SLC23A2: variants seen among roughly 807,000 people sequenced by gnomAD.
SLC23A2 encodes solute carrier family 23 member 2, also known as Na(+)/L-ascorbic acid transporter 2.
SLC23A2 carries 36 observed loss-of-function variants against 73.3 expected under a neutral mutation model. That is an observed-to-expected ratio of 0.49 (90% confidence interval 0.38 to 0.65). SLC23A2 has a LOEUF of 0.65. Ranked by LOEUF, SLC23A2 falls within the 30% of genes least tolerant of loss-of-function variation. The probability of loss-of-function intolerance (pLI) is 0.00; values close to 1 mark genes in which losing one functional copy is unlikely to be tolerated. For synonymous variants in SLC23A2, 343 were observed against 327.3 expected, an observed-to-expected ratio of 1.05 and a Z score of -0.52; for missense variants, 507 against 841.6, an observed-to-expected ratio of 0.60 and a Z score of 4.92.
chr20:4,946,568 G>T (rs1156557077), intron 2 of SLC23A2, among the ~76,000 whole-genome samples: 2 of 152,176 alleles, frequency 1.3e-5, no homozygotes, highest in African/African-American at 4.8e-5. Flanking sequence ...TGAAGAATGG[G>T]CTCTGCCTAC....
At chr20:4,904,677 T>C (rs1931872919) in intron 4 of SLC23A2, among the ~76,000 whole-genome samples, 1 of 152,202 alleles carries the variant, frequency 6.6e-6, no homozygotes. Flanking sequence ...GCTCACAAAG[T>C]AACATGACAA....
At chr20:4,993,723 T>C (rs895497801) in intron 1 of SLC23A2, among the ~76,000 whole-genome samples, 6 of 152,150 alleles carry the variant, frequency 3.9e-5, no homozygotes, top group Admixed American at 6.6e-5. Flanking sequence ...ATATCATGCA[T>C]CTGTGGAAAA....
At chr20:4,885,985 A>G in intron 6 of SLC23A2, 76 bp from the exon 7 acceptor site, 2 of 884,216 alleles carry the variant, frequency 2.3e-6, no homozygotes, top group Non-Finnish European at 3.6e-6. Context: ...ACAGCTTAAC[A>G]GTCTTTTCCA....
upstream of SLC23A2, among the ~76,000 whole-genome samples, chr20:5,005,522 T>C (rs190984918): frequency 6.6e-6 from 1 of 152,316 alleles, no homozygotes; most frequent in East Asian, 1.9e-4. Context: ...TGAGAGGTAA[T>C]TGTAGCTTGG....
At chr20:4,892,390 T>A (rs1248568331) in intron 6 of SLC23A2, among the ~76,000 whole-genome samples, 1 of 152,038 alleles carries the variant, frequency 6.6e-6, no homozygotes, top group African/African-American at 2.4e-5. Context: ...TTTCACCATG[T>A]TGGCCAAGCT....
chr20:4,938,979 C>T (rs2122958192), intron 2 of SLC23A2, among the ~76,000 whole-genome samples: 1 of 152,092 alleles, frequency 6.6e-6, no homozygotes, highest in East Asian at 1.9e-4. Flanking sequence ...TGATGGCTCA[C>T]ATCTGTAATC....
chr20:4,864,463 A>G (rs763584796), intron 13 of SLC23A2, among the ~76,000 whole-genome samples: 11 of 152,062 alleles, frequency 7.2e-5, no homozygotes, highest in Non-Finnish European at 1.3e-4. Context: ...GCCCCACACC[A>G]CAGACGGCAG....
intron 2 of SLC23A2, among the ~76,000 whole-genome samples, chr20:4,952,103 CAAAAAA>C (rs57832305): frequency 2.5e-5 from 1 of 40,534 alleles, no homozygotes; most frequent in African/African-American, 7.5e-5. Flanking sequence ...GACTCTGACT[CAAAAAA>C]AAAAAAAAAA....
chr20:4,989,037 G>A (rs1039077344), intron 1 of SLC23A2, among the ~76,000 whole-genome samples: 2 of 151,848 alleles, frequency 1.3e-5, no homozygotes, highest in East Asian at 1.9e-4. Context: ...GAGGGAGTTC[G>A]AGACCAGCCT....
At chr20:4,874,207 T>C (rs1930567292) in intron 10 of SLC23A2, 115 bp from the exon 11 acceptor site, 3 of 848,878 alleles carry the variant, frequency 3.5e-6, no homozygotes, top group East Asian at 2.6e-5. Flanking sequence ...AGTCAGTACT[T>C]TGCAGACCTT....
At chr20:4,887,151 T>C (rs1931134841) in intron 6 of SLC23A2, among the ~76,000 whole-genome samples, 2 of 152,196 alleles carry the variant, frequency 1.3e-5, no homozygotes, top group Admixed American at 1.3e-4. Context: ...TGCATTGCTG[T>C]TGACCACTCC....
chr20:4,970,507 A>C (rs1600186854), intron 2 of SLC23A2, among the ~76,000 whole-genome samples: 1 of 152,062 alleles, frequency 6.6e-6, no homozygotes, highest in African/African-American at 2.4e-5. Context: ...TAGAGGCAGG[A>C]GGATCGCTTG....
intron 3 of SLC23A2, among the ~76,000 whole-genome samples, chr20:4,913,214 G>A (rs1932218287): frequency 6.6e-6 from 1 of 152,202 alleles, no homozygotes; most frequent in South Asian, 2.1e-4. Flanking sequence ...GGGAAGGGAA[G>A]TTTGGCTCAG....
Position 5,001,419 on chromosome 20 carries a change from G to C in SLC23A2, c.-295C>G, listed in dbSNP as rs919269580. ...CCGGGCTCTCACCTGGCTGCAGCTC[G>C]CGTGGTTCCCGTCCTGCCGCCGCGC... On this transcript the variant is annotated 5_prime_UTR_variant, in exon 1 of 17. Transcript: ENST00000338244. The C allele has an allele frequency of 6.1e-5, 9 of 147,906 alleles. No homozygotes were observed. Among genetic ancestry groups the C allele is most frequent in the Admixed American group, 6.0e-4 (9 of 14,922 alleles). The allele number at this position is 147,906 out of a possible 1,614,324, so 9.2% of individuals were successfully genotyped here.
Position 4,955,517 on chromosome 20 carries a change from G to A in SLC23A2, c.-155+15276C>T, listed in dbSNP as rs572917445. Among the ~76,000 whole-genome samples the A allele has an allele frequency of 7.9e-5, 12 of 152,068 alleles. No individual in the cohort carries two copies. In the South Asian group the frequency reaches 1.9e-3, roughly 24 times the overall value. Reference sequence around the variant, plus strand: ...TTAAAGTACCGTATAGGTTGGGTGCGATGGCTCATGCCTGTAATCCTAGCA... The same window carrying A: ...TTAAAGTACCGTATAGGTTGGGTGCAATGGCTCATGCCTGTAATCCTAGCA... On this transcript the variant is annotated intron_variant, in intron 2 of 16. Coordinates refer to ENST00000338244, the MANE Select transcript of SLC23A2 (RefSeq NM_005116.6).
intron 13 of SLC23A2, among the ~76,000 whole-genome samples, chr20:4,864,899 G>A (rs751816951): frequency 6.6e-6 from 1 of 152,194 alleles, no homozygotes. Context: ...TGGCCCCAGG[G>A]ATACCTGAAA....
intron 6 of SLC23A2, among the ~76,000 whole-genome samples, chr20:4,893,442 T>C (rs1931404745): frequency 6.6e-6 from 1 of 152,044 alleles, no homozygotes. Flanking sequence ...GAAAGAGAAG[T>C]GGGGTCTCTC....
chr20:4,897,073 C>T (rs1315618605), intron 6 of SLC23A2, among the ~76,000 whole-genome samples: 1 of 152,216 alleles, frequency 6.6e-6, no homozygotes, highest in African/African-American at 2.4e-5. Flanking sequence ...CTTCGTGCTG[C>T]AAGCCATGTG....
intron 3 of SLC23A2, among the ~76,000 whole-genome samples, chr20:4,914,257 G>A (rs1932252262): frequency 6.6e-6 from 1 of 151,416 alleles, no homozygotes; most frequent in East Asian, 1.9e-4. Flanking sequence ...ATCCCTGAGA[G>A]GCCTAAGGAA....
Sources: gnomAD v4.1 joint callset for allele counts (sites outside exome capture counted in the v4.1 genomes callset) on GRCh38, gnomAD v4.1.1 for gene constraint, MANE v1.5 for transcripts, NCBI Gene and HGNC (gene_info 2026-07-23, HGNC 2026-07-21) for gene names.